WDR36: variants seen among roughly 807,000 people sequenced by gnomAD.
WDR36 encodes WD repeat-containing protein 36.
WDR36 carries 63 observed loss-of-function variants against 112.7 expected under a neutral mutation model. That is an observed-to-expected ratio of 0.56 (90% CI 0.46 to 0.69). The LOEUF (loss-of-function observed/expected upper bound fraction) is 0.69, where lower values mean the gene tolerates loss of function less well. Among genes scored for constraint, WDR36 ranks in the 30% least tolerant of loss-of-function variants. The pLI, the probability that WDR36 is intolerant of heterozygous loss-of-function variation, is 0.00. For synonymous variants in WDR36, 410 were observed against 362.2 expected (o/e 1.13, Z -1.50); for missense variants, 1,226 against 1,070.3 (o/e 1.15, Z -2.03).
At chr5:111,119,742 T>C (rs1246721815) in intron 17 of WDR36, among the ~76,000 whole-genome samples, 3 of 152,080 alleles carry the variant, frequency 2.0e-5, no homozygotes, top group African/African-American at 4.8e-5. Flanking sequence ...TAAAATGTTA[T>C]AATTACATTT....
intron 7 of WDR36, 103 bp downstream of exon 7, chr5:111,104,021 G>A: frequency 1.4e-6 from 2 of 1,477,460 alleles, no homozygotes; most frequent in Middle Eastern, 2.4e-4. Flanking sequence ...TAATAGAAGT[G>A]AATGAATACT....
intron 4 of WDR36, among the ~76,000 whole-genome samples, chr5:111,099,506 C>T (rs1324760352): frequency 2.8e-5 from 3 of 106,230 alleles, no homozygotes; most frequent in African/African-American, 1.1e-4. Context: ...CTGAAGATTG[C>T]ATTTCTGGGA....
At chr5:111,101,840 A>G (rs760182297) in intron 5 of WDR36, among the ~76,000 whole-genome samples, 7 of 151,820 alleles carry the variant, frequency 4.6e-5, no homozygotes, top group South Asian at 2.1e-4. Context: ...AATTTAATAC[A>G]TGATTTAATA....
At chr5:111,104,096 T>A in intron 7 of WDR36, 81 bp from the exon 8 acceptor site, 1 of 1,450,282 alleles carries the variant, frequency 6.9e-7, no homozygotes, top group Middle Eastern at 2.0e-4. Flanking sequence ...CTTTATGGAT[T>A]AAAAGGGAAG....
chr5:111,094,954 A>G lies in WDR36; in HGVS notation c.190+7A>G. The G allele has an allele frequency of 6.9e-6, 11 of 1,605,574 alleles. No homozygotes were observed. Among genetic ancestry groups the G allele is most frequent in the African/African-American group, 1.3e-5 (1 of 74,978 alleles). The stretch of plus-strand genomic sequence containing the variant: ...CTTAGTCTGGTTGCAGTAAGTAAGT[A>G]TGGACTTTATTCTGAATTTATGCAC... On this transcript the variant is annotated splice_region_variant and intron_variant, in intron 2 of 22. Transcript: ENST00000513710.
chr5:111,099,995 G>T (rs1753087697), intron 4 of WDR36, among the ~76,000 whole-genome samples: 1 of 151,892 alleles, frequency 6.6e-6, no homozygotes, highest in Admixed American at 6.6e-5. Context: ...AGATTTCAGA[G>T]AATTTTTTTA....
Position 111,119,004 on chromosome 5 carries a change from T to C in WDR36, c.1797-9T>C. 1.9e-6 allele frequency: 3 copies of C among 1,604,604 alleles called. No homozygotes were observed. Among genetic ancestry groups the C allele is most frequent in the Non-Finnish European group, 2.6e-6 (3 of 1,171,604 alleles). ...TCAAATACTTTTAACATGTTAATTATTTCTGTAGCCTTATAGACTGCTTTT... is the reference window on the plus strand; with the variant it reads ...TCAAATACTTTTAACATGTTAATTACTTCTGTAGCCTTATAGACTGCTTTT... On this transcript the variant is annotated splice_polypyrimidine_tract_variant and intron_variant, in intron 16 of 22. Coordinates refer to ENST00000513710, the MANE Select transcript of WDR36 (RefSeq NM_139281.3).
At chr5:111,101,120 TG>T (rs1197592149) in intron 5 of WDR36, among the ~76,000 whole-genome samples, 1 of 151,914 alleles carries the variant, frequency 6.6e-6, no homozygotes, top group Non-Finnish European at 1.5e-5. Flanking sequence ...GCAGAGAAGT[TG>T]GGGAAGTCCT....
At chr5:111,098,160 A>G (rs1221289649) in intron 3 of WDR36, among the ~76,000 whole-genome samples, 2 of 152,164 alleles carry the variant, frequency 1.3e-5, no homozygotes, top group Non-Finnish European at 2.9e-5. Flanking sequence ...TACCACCCCT[A>G]AGGCCAAAGG....
chr5:111,092,404 G>C lies in WDR36; in HGVS notation c.-53G>C. 6.2e-7 allele frequency: 1 copy of C among 1,614,240 alleles called. No individual in the cohort carries two copies. The highest frequency in any genetic ancestry group is 2.2e-5 in the East Asian group (1 of 44,884). ...CCACTAGACACGCTGAAGGGACTGGGTACGTGTTTTCCTTCAGGACCAGAG... is the reference window on the plus strand; with the variant it reads ...CCACTAGACACGCTGAAGGGACTGGCTACGTGTTTTCCTTCAGGACCAGAG... On this transcript the variant is annotated 5_prime_UTR_variant, in exon 1 of 23. Coordinates refer to ENST00000513710, the MANE Select transcript of WDR36 (RefSeq NM_139281.3).
intron 4 of WDR36, among the ~76,000 whole-genome samples, chr5:111,100,293 T>C (rs1330596854): frequency 6.6e-6 from 1 of 152,002 alleles, no homozygotes; most frequent in Non-Finnish European, 1.5e-5. Flanking sequence ...GGATCTTTTT[T>C]TTTTAACTTT....
chr5:111,123,893 C>T lies in WDR36; in HGVS notation c.2237C>T (p.Ala746Val), dbSNP rs1561710738. 2 of 1,613,804 alleles carry T rather than the reference C, an allele frequency of 1.2e-6. No individual in the cohort carries two copies. The highest frequency in any genetic ancestry group is 1.7e-4 in the Middle Eastern group (1 of 6,056). Reference sequence around the variant, plus strand: ...ATTCCTGGCCTTGTACCCAGATATGCTGCACCTGAACAAAATAATGATCCC... The same window carrying T: ...ATTCCTGGCCTTGTACCCAGATATGTTGCACCTGAACAAAATAATGATCCC... ...PTIPGLVPRY[A>V]APEQNNDPQQ... Residue 746 changes from alanine to valine, a missense_variant, in exon 20 of 23, where the codon GCT (alanine) becomes GTT (valine). By Grantham distance (64) the Ala-to-Val change is moderately conservative (BLOSUM62 0). Transcript: ENST00000513710.
chr5:111,111,298 A>G lies in WDR36; in HGVS notation c.1716+20A>G. On this transcript the variant is annotated intron_variant, in intron 15 of 22. Transcript: ENST00000513710. Reference sequence around the variant, plus strand: ...GACATGGTAAAACAAACTCTAACTAATAAAACTTGACTCATTTCTACTTTT... The same window carrying G: ...GACATGGTAAAACAAACTCTAACTAGTAAAACTTGACTCATTTCTACTTTT... The G allele has an allele frequency of 5.0e-6, 8 of 1,588,158 alleles. No homozygotes were observed. The highest frequency in any genetic ancestry group is 1.7e-4 in the Middle Eastern group (1 of 6,006).
Position 111,127,929 on chromosome 5 carries a change from T to C in WDR36, c.*1046T>C, listed in dbSNP as rs373116002. The C allele has an allele frequency of 7.1e-6, 1 of 141,808 alleles. No homozygotes were observed. The highest frequency in any genetic ancestry group is 1.6e-5 in the Non-Finnish European group (1 of 62,996). 8.8% of individuals were successfully genotyped at this position (141,808 alleles called of 1,614,324 possible). A position where few individuals can be genotyped will look rare whatever the true frequency, so the allele number is the denominator to read the frequency against. On this transcript the variant is annotated 3_prime_UTR_variant, in exon 23 of 23. Coordinates refer to ENST00000513710, the MANE Select transcript of WDR36 (RefSeq NM_139281.3). ...TTTTATTTTGTTTTGTTTTGTTTTT[T>C]TTTTTTTTTTTTTGGCTACACTTTT...
In WDR36 at chr5:111,127,200, C is replaced by T. The variant is rs77988516; in HGVS notation, c.*317C>T. ...TACAAAAAGTTAAAAAAATAAATTACACCTGCCTTTTGTTTTGAAGACTTA... is the reference window on the plus strand; with the variant it reads ...TACAAAAAGTTAAAAAAATAAATTATACCTGCCTTTTGTTTTGAAGACTTA... On this transcript the variant is annotated 3_prime_UTR_variant, in exon 23 of 23. Coordinates refer to ENST00000513710, the MANE Select transcript of WDR36 (RefSeq NM_139281.3). 530 of 247,262 alleles carry T rather than the reference C, an allele frequency of 2.1e-3. 2 individuals carry two copies. Among genetic ancestry groups the T allele is most frequent in the African/African-American group, 0.011 (513 of 45,580 alleles). The allele number at this position is 247,262 out of a possible 1,614,324, so 15.3% of individuals were successfully genotyped here.
chr5:111,099,463 G>GTTTTTTTTTTTTTTTTTTTT (rs67437234), intron 4 of WDR36, among the ~76,000 whole-genome samples: 6 of 84,966 alleles, frequency 7.1e-5, no homozygotes, highest in Non-Finnish European at 1.2e-4. Flanking sequence ...TTTTTTTTTT[G>GTTTTTTTTTTTTTTTTTTTT]TTTTTTTTTT....
intron 16 of WDR36, 139 bp from the exon 17 acceptor site, chr5:111,118,874 C>A: frequency 1.5e-6 from 1 of 660,158 alleles, no homozygotes; most frequent in South Asian, 1.7e-5. Context: ...TGGTGACTTT[C>A]TGATCAATGC....
intron 7 of WDR36, 46 bp from the exon 8 acceptor site, chr5:111,104,131 G>A (rs537519501): frequency 6.5e-7 from 1 of 1,536,598 alleles, no homozygotes; most frequent in Non-Finnish European, 8.9e-7. Flanking sequence ...GTTTATTTTG[G>A]GGGATCTAGA....
intron 6 of WDR36, among the ~76,000 whole-genome samples, 154 bp from the exon 7 acceptor site, chr5:111,103,632 A>G (rs952016461): frequency 2.0e-5 from 3 of 151,792 alleles, no homozygotes; most frequent in Non-Finnish European, 4.4e-5. Flanking sequence ...ATAAAAAAGT[A>G]TGCTTGAATG....
Sources: gnomAD v4.1 joint callset for allele counts (sites outside exome capture counted in the v4.1 genomes callset) on GRCh38, gnomAD v4.1.1 for gene constraint, MANE v1.5 for transcripts, NCBI Gene and HGNC (gene_info 2026-07-23, HGNC 2026-07-21) for gene names.